Variants in MYO1E observed in about 807,000 individuals in gnomAD.
MYO1E encodes the protein unconventional myosin-Ie.
MYO1E carries 68 observed loss-of-function variants against 151.1 expected under a neutral mutation model. The ratio of observed to expected loss-of-function variants is 0.45; its 90% CI spans 0.37 to 0.55. The LOEUF is 0.55. Among genes scored for constraint, MYO1E ranks in the 20% least tolerant of loss-of-function variants. MYO1E has a pLI of 0.00. For missense variants in MYO1E, 1,363 were observed against 1,389.3 expected (o/e 0.98, Z 0.30); for synonymous variants, 601 against 501.7 (o/e 1.20, Z -2.64).
chr15:59,347,184 C>T (rs1290107479), intron 1 of MYO1E, among the ~76,000 whole-genome samples: 1 of 152,180 alleles, frequency 6.6e-6, no homozygotes. Flanking sequence ...CGCCTGAGCT[C>T]CGCCTCCTGT....
At chr15:59,200,181 A>G (rs757606323) in intron 16 of MYO1E, among the ~76,000 whole-genome samples, 7 of 152,198 alleles carry the variant, frequency 4.6e-5, no homozygotes, top group Non-Finnish European at 7.4e-5. Flanking sequence ...TCTCCTTTTT[A>G]TAGACAATAA....
chr15:59,286,342 C>T (rs577124406), intron 1 of MYO1E, among the ~76,000 whole-genome samples: 11 of 152,222 alleles, frequency 7.2e-5, no homozygotes, highest in African/African-American at 2.2e-4. Flanking sequence ...CTCAGATTGC[C>T]CTATTTTTCT....
intron 18 of MYO1E, among the ~76,000 whole-genome samples, chr15:59,185,878 G>A (rs1273501009): frequency 6.6e-6 from 1 of 152,162 alleles, no homozygotes; most frequent in Non-Finnish European, 1.5e-5. Flanking sequence ...CAAGAAGGCT[G>A]CTAAACATCC....
At chr15:59,276,927 GCAGCGGT>G (rs2080322564) in intron 1 of MYO1E, among the ~76,000 whole-genome samples, 1 of 152,214 alleles carries the variant, frequency 6.6e-6, no homozygotes, top group African/African-American at 2.4e-5. Flanking sequence ...GCCCCACGCG[GCAGCGGT>G]TCTGCAAACA....
intron 1 of MYO1E, among the ~76,000 whole-genome samples, chr15:59,338,273 A>G (rs1209268933): frequency 2.0e-5 from 3 of 149,010 alleles, no homozygotes; most frequent in Admixed American, 2.0e-4. Context: ...TATAAACTAG[A>G]TCAGTATTGA....
intron 20 of MYO1E, 80 bp downstream of exon 20, chr15:59,174,046 A>C: frequency 6.7e-7 from 1 of 1,499,140 alleles, no homozygotes; most frequent in South Asian, 1.1e-5. Flanking sequence ...TGCAAAATAA[A>C]ATGGAACTTA....
intron 22 of MYO1E, among the ~76,000 whole-genome samples, chr15:59,164,560 G>C (rs1469928822): frequency 6.6e-6 from 1 of 152,238 alleles, no homozygotes; most frequent in African/African-American, 2.4e-5. Context: ...GATGAGGCAA[G>C]GGGATCACAA....
chr15:59,162,009 T>C (rs2079540644), intron 23 of MYO1E, among the ~76,000 whole-genome samples: 1 of 152,134 alleles, frequency 6.6e-6, no homozygotes, highest in Admixed American at 6.5e-5. Flanking sequence ...ATTTTATAGA[T>C]GGGGAAATTT....
In MYO1E at chr15:59,372,600, C is replaced by A. The variant is rs1567028218; in HGVS notation, c.-100G>T. ...GCGAACTTCAAAAGTTGGTTCCCCT[C>A]GCCAAAAACAGGCTCCCGACACCCA... On this transcript the variant is annotated 5_prime_UTR_variant, in exon 1 of 28. Coordinates refer to ENST00000288235, the MANE Select transcript of MYO1E (RefSeq NM_004998.4). 6.9e-7 allele frequency: 1 copy of A among 1,456,136 alleles called. No individual in the cohort carries two copies. Among genetic ancestry groups the A allele is most frequent in the Non-Finnish European group, 9.2e-7 (1 of 1,082,828 alleles). The allele number at this position is 1,456,136 out of a possible 1,614,324, so 90.2% of individuals were successfully genotyped here.
chr15:59,343,838 C>T (rs781374483), intron 1 of MYO1E, among the ~76,000 whole-genome samples: 8 of 152,084 alleles, frequency 5.3e-5, no homozygotes, highest in Non-Finnish European at 1.0e-4. Context: ...TTCAGCAGCT[C>T]GAGAATTTCT....
intron 2 of MYO1E, among the ~76,000 whole-genome samples, chr15:59,263,435 GT>G (rs2080235781): frequency 6.6e-6 from 1 of 152,068 alleles, no homozygotes; most frequent in South Asian, 2.1e-4. Flanking sequence ...CATGTTTCAA[GT>G]GTGGCTTAAC....
intron 18 of MYO1E, among the ~76,000 whole-genome samples, chr15:59,182,444 C>A (rs1318987205): frequency 1.3e-5 from 2 of 152,160 alleles, no homozygotes; most frequent in Non-Finnish European, 2.9e-5. Context: ...AACTCCTGAT[C>A]TGAGGTGATC....
chr15:59,237,865 T>C (rs2080076286), intron 4 of MYO1E, among the ~76,000 whole-genome samples: 1 of 152,194 alleles, frequency 6.6e-6, no homozygotes, highest in South Asian at 2.1e-4. Flanking sequence ...AACAGAGAAT[T>C]GAGCTGGCCA....
At chr15:59,257,299 A>C (rs1320431384) in intron 3 of MYO1E, among the ~76,000 whole-genome samples, 5 of 151,978 alleles carry the variant, frequency 3.3e-5, no homozygotes, top group Admixed American at 1.3e-4. Flanking sequence ...TCTAGTCTCC[A>C]CACACACACA....
At chr15:59,326,957 G>C (rs1283657703) in intron 1 of MYO1E, among the ~76,000 whole-genome samples, 2 of 152,308 alleles carry the variant, frequency 1.3e-5, no homozygotes, top group East Asian at 3.9e-4. Flanking sequence ...ACCACTCAGG[G>C]AACAGTGGGG....
At chr15:59,255,497 C>A (rs1035611895) in intron 4 of MYO1E, among the ~76,000 whole-genome samples, 1 of 152,102 alleles carries the variant, frequency 6.6e-6, no homozygotes, top group Non-Finnish European at 1.5e-5. Context: ...CAGGCTCAAG[C>A]GATTCTCCCA....
At chr15:59,171,751 T>G in intron 22 of MYO1E, 146 bp downstream of exon 22, 2 of 1,117,152 alleles carry the variant, frequency 1.8e-6, no homozygotes, top group Non-Finnish European at 2.6e-6. Context: ...AGTCTTCCCT[T>G]TGGGACAAAG....
At chr15:59,200,065 T>A (rs763099932) in intron 16 of MYO1E, among the ~76,000 whole-genome samples, 36 of 152,170 alleles carry the variant, frequency 2.4e-4, no homozygotes, top group Non-Finnish European at 4.4e-4. Context: ...CTAAACATTT[T>A]GGAAACATCC....
Position 59,217,916 on chromosome 15 carries a change from G to A in MYO1E, c.1082C>T (p.Ala361Val). The change falls in exon 10 of 28, where the codon GCC (alanine) becomes GTC (valine). Residue 361 changes from alanine (A) to valine (V), a missense_variant. Transcript: ENST00000288235. The part of the protein sequence containing the change: ...TRDALAKALH[A>V]RVFDFLVDSI... ...ATCTACCAAGAAATCAAAGACCCGG[G>A]CGTGCAGGGCCTTGGCGAGCGCATC... is the stretch of plus-strand genomic sequence containing the variant. The A allele has an allele frequency of 6.2e-7, 1 of 1,614,172 alleles. No individual in the cohort carries two copies. Among genetic ancestry groups the A allele is most frequent in the Non-Finnish European group, 8.5e-7 (1 of 1,180,034 alleles).
Sources: allele counts gnomAD v4.1 joint callset (sites outside exome capture counted in the v4.1 genomes callset), GRCh38; gene constraint gnomAD v4.1.1; transcripts MANE v1.5; gene names NCBI Gene and HGNC (gene_info 2026-07-23, HGNC 2026-07-21).